Variants in KDM3B observed in about 807,000 individuals in gnomAD.
KDM3B encodes the protein lysine-specific demethylase 3B.
KDM3B carries 10 observed loss-of-function variants against 170.0 expected under a neutral mutation model. The ratio of observed to expected loss-of-function variants is 0.06; its 90% CI spans 0.04 to 0.10. KDM3B has a LOEUF of 0.10. Among genes scored for constraint, KDM3B ranks in the 10% least tolerant of loss-of-function variants. KDM3B has a pLI of 1.00. For synonymous variants in KDM3B, 831 were observed against 834.8 expected (o/e 1.00, Z 0.08); for missense variants, 1,394 against 2,195.2 (o/e 0.64, Z 7.29).
intron 1 of KDM3B, among the ~76,000 whole-genome samples, chr5:138,357,366 A>AT (rs397715674): frequency 0.26 from 38,620 of 145,852 alleles, 5,860 homozygotes; most frequent in South Asian, 0.4. Context: ...TTTAAAAAAC[A>AT]TTTTTTTTTT....
intron 11 of KDM3B, among the ~76,000 whole-genome samples, chr5:138,408,320 C>T (rs957492591): frequency 6.6e-6 from 1 of 151,428 alleles, no homozygotes; most frequent in Non-Finnish European, 1.5e-5. Flanking sequence ...CGAGAGAGAG[C>T]TGTTTTACTT....
chr5:138,405,542 C>T (rs553326406), intron 11 of KDM3B, among the ~76,000 whole-genome samples: 1 of 151,930 alleles, frequency 6.6e-6, no homozygotes, highest in Non-Finnish European at 1.5e-5. Flanking sequence ...ATTCTAGCAG[C>T]TTTTCTCAAA....
At position 138,386,342 on chromosome 5, in the gene KDM3B, G is replaced by C. The variant is rs1762259426; in HGVS notation, c.1101G>C (p.Leu367=). Reference sequence around the variant, plus strand: ...ACACCAAAGAAAACGGCAGGACTCTGGTGGTGCAGGATGAGCCTGTAGGTG... The same window carrying C: ...ACACCAAAGAAAACGGCAGGACTCTCGTGGTGCAGGATGAGCCTGTAGGTG... ...ATYTKENGRT[L]VVQDEPVGGD... The change falls in exon 7 of 24, where the codon CTG becomes CTC. Residue 367 remains leucine, a synonymous_variant. Transcript: ENST00000314358. 1 of 1,614,226 alleles carries C rather than the reference G, an allele frequency of 6.2e-7. No homozygotes were observed. Among genetic ancestry groups the C allele is most frequent in the Non-Finnish European group, 8.5e-7 (1 of 1,180,040 alleles).
intron 12 of KDM3B, among the ~76,000 whole-genome samples, chr5:138,415,721 A>G (rs1277187479): frequency 6.6e-6 from 1 of 151,694 alleles, no homozygotes; most frequent in Non-Finnish European, 1.5e-5. Flanking sequence ...AAGTACTGGG[A>G]GTATAACTGT....
At chr5:138,367,056 T>C (rs2126916329) in intron 1 of KDM3B, among the ~76,000 whole-genome samples, 1 of 152,348 alleles carries the variant, frequency 6.6e-6, no homozygotes, top group South Asian at 2.1e-4. Context: ...AGGATGCAGC[T>C]TGTCCTTTAA....
chr5:138,383,601 T>C (rs1762178750), intron 6 of KDM3B, among the ~76,000 whole-genome samples: 1 of 152,192 alleles, frequency 6.6e-6, no homozygotes. Flanking sequence ...CCTTTAAGTA[T>C]GGGTGAATGA....
intron 14 of KDM3B, among the ~76,000 whole-genome samples, chr5:138,419,669 AT>A (rs747098215): frequency 0.19 from 17,168 of 90,910 alleles, 2,509 homozygotes; most frequent in South Asian, 0.35. Context: ...AAAAAAAAAA[AT>A]ATATATATAT....
intron 15 of KDM3B, among the ~76,000 whole-genome samples, chr5:138,422,529 A>G (rs2126996507): frequency 6.6e-6 from 1 of 152,170 alleles, no homozygotes; most frequent in Middle Eastern, 3.4e-3. Flanking sequence ...AATCCCAGCT[A>G]CTCGGGAGGT....
chr5:138,422,071 C>A (rs1023294321), intron 15 of KDM3B, among the ~76,000 whole-genome samples: 6 of 152,200 alleles, frequency 3.9e-5, no homozygotes, highest in African/African-American at 1.4e-4. Flanking sequence ...TCAGCTCCCT[C>A]ACCTAAACCT....
At position 138,427,312 on chromosome 5, in the gene KDM3B, C is replaced by T. The variant is rs368913432; in HGVS notation, c.4626C>T (p.Asn1542=). ...CTGATCTGGGCCCCAAGATGTACAA[C>T]GCCTATGGTATGAGGGAGAGGCTAA... ...VRPDLGPKMY[N]AYGLITAEDR... is the part of the protein sequence containing the mutation. Residue 1542 remains asparagine (N), a synonymous_variant, in exon 19 of 24, where the codon AAC becomes AAT. Coordinates refer to ENST00000314358, the MANE Select transcript of KDM3B (RefSeq NM_016604.4). The T allele has an allele frequency of 4.1e-5, 66 of 1,612,414 alleles. 1 individual carries two copies. The highest frequency in any genetic ancestry group is 1.8e-4 in the East Asian group (8 of 44,802).
At chr5:138,358,053 A>G (rs533419004) in intron 1 of KDM3B, among the ~76,000 whole-genome samples, 1 of 152,036 alleles carries the variant, frequency 6.6e-6, no homozygotes, top group African/African-American at 2.4e-5. Flanking sequence ...GCTGGAGTGT[A>G]ATGGTGTGAT....
At chr5:138,428,162 A>T in intron 20 of KDM3B, 76 bp downstream of exon 20, 7 of 1,325,532 alleles carry the variant, frequency 5.3e-6, no homozygotes, top group African/African-American at 1.5e-5. Context: ...TTTCATCCTT[A>T]GGGCCAGTGG....
intron 7 of KDM3B, among the ~76,000 whole-genome samples, chr5:138,388,132 TA>T (rs1257704801): frequency 6.6e-6 from 1 of 152,034 alleles, no homozygotes; most frequent in Non-Finnish European, 1.5e-5. Flanking sequence ...AGTGTGAATG[TA>T]AATGGAGCTT....
chr5:138,352,769 G>A lies in KDM3B; in HGVS notation c.-27G>A. 1 of 1,210,898 alleles carries A rather than the reference G, an allele frequency of 8.3e-7. No individual in the cohort carries two copies. Among genetic ancestry groups the A allele is most frequent in the Non-Finnish European group, 1.0e-6 (1 of 977,356 alleles). The allele number at this position is 1,210,898 out of a possible 1,614,324, so 75.0% of individuals were successfully genotyped here. A position where few individuals can be genotyped will look rare whatever the true frequency, so the allele number is the denominator to read the frequency against. On this transcript the variant is annotated 5_prime_UTR_variant, in exon 1 of 24. Transcript: ENST00000314358. ...CGGAGGTGGTGGGAGGCGGCGGGCG[G>A]GAGCGCGGGTCAGGCCGGCCCCGGC...
intron 3 of KDM3B, among the ~76,000 whole-genome samples, chr5:138,376,597 G>A (rs776400659): frequency 2.6e-5 from 4 of 151,846 alleles, no homozygotes; most frequent in African/African-American, 2.4e-5. Context: ...CCAGCTACTC[G>A]GGAGGCTGAG....
At chr5:138,385,431 C>T (rs1182084567) in intron 6 of KDM3B, among the ~76,000 whole-genome samples, 1 of 152,204 alleles carries the variant, frequency 6.6e-6, no homozygotes, top group Non-Finnish European at 1.5e-5. Flanking sequence ...TGGGGTTTCA[C>T]CATGTTGGCC....
chr5:138,371,293 C>T (rs757648), intron 1 of KDM3B, among the ~76,000 whole-genome samples: 1 of 151,720 alleles, frequency 6.6e-6, no homozygotes, highest in African/African-American at 2.4e-5. Context: ...GACCCTGTCT[C>T]TACAAATAAT....
intron 11 of KDM3B, among the ~76,000 whole-genome samples, chr5:138,410,383 C>G (rs999903105): frequency 1.3e-5 from 2 of 152,072 alleles, no homozygotes. Flanking sequence ...TAGAAGTAAA[C>G]CCACACATAC....
chr5:138,428,439 G>C (rs754138000), intron 20 of KDM3B, among the ~76,000 whole-genome samples: 4 of 152,104 alleles, frequency 2.6e-5, no homozygotes, highest in Non-Finnish European at 5.9e-5. Flanking sequence ...TCAAACTCCT[G>C]ACCTCAGGTG....
Sources: gnomAD v4.1 joint callset for allele counts (sites outside exome capture counted in the v4.1 genomes callset) on GRCh38, gnomAD v4.1.1 for gene constraint, MANE v1.5 for transcripts, NCBI Gene and HGNC (gene_info 2026-07-23, HGNC 2026-07-21) for gene names.